The following ANKS1B variants were observed in gnomAD, a reference collection of about 807,000 sequenced individuals.
ANKS1B encodes the protein ankyrin repeat and sterile alpha motif domain containing 1B, also known as ankyrin repeat and sterile alpha motif domain-containing protein 1B.
ANKS1B carries 36 observed loss-of-function variants against 148.3 expected under a neutral mutation model. The ratio of observed to expected loss-of-function variants is 0.24; its 90% CI spans 0.19 to 0.32. The LOEUF (loss-of-function observed/expected upper bound fraction) is 0.32. Among genes scored for constraint, ANKS1B ranks in the 10% least tolerant of loss-of-function variants. ANKS1B has a pLI of 1.00. For synonymous variants in ANKS1B, 542 were observed against 560.8 expected, an observed-to-expected ratio of 0.97 and a Z score of 0.47; for missense variants, 1,157 against 1,542.6, an observed-to-expected ratio of 0.75 and a Z score of 4.19.
At chr12:99,886,068 T>C (rs2092808150) in intron 1 of ANKS1B, among the ~76,000 whole-genome samples, 1 of 152,228 alleles carries the variant, frequency 6.6e-6, no homozygotes, top group South Asian at 2.1e-4. Flanking sequence ...GATAAACATA[T>C]GCAAGCACAT....
At chr12:98,850,673 T>C (rs933827311) in intron 17 of ANKS1B, among the ~76,000 whole-genome samples, 6 of 151,886 alleles carry the variant, frequency 4.0e-5, no homozygotes, top group Admixed American at 6.6e-5. Flanking sequence ...TTCACTGTGT[T>C]AGCCAGGATG....
intron 7 of ANKS1B, 28 bp downstream of exon 7, chr12:99,775,520 T>G (rs977242062): frequency 6.7e-7 from 1 of 1,490,554 alleles, no homozygotes; most frequent in African/African-American, 1.4e-5. Context: ...CTAGTATAGA[T>G]TCCAGGGCTT....
rs2093479938 is a variant in ANKS1B at position 99,378,396 on chromosome 12, C to T, written c.1756+21235G>A. On this transcript the variant is annotated intron_variant, in intron 12 of 26. Transcript: ENST00000683438. ...GAAGGCCGGGCATGGTGGCTCATGC[C>T]TGTAATCCCAGCACTTTGGGAGGAC... Among the ~76,000 whole-genome samples, 11 of 152,164 alleles carry T rather than the reference C, an allele frequency of 7.2e-5. No homozygotes were observed. The South Asian group carries it at 2.3e-3, about 32-fold the overall frequency.
At chr12:99,779,453 A>C (rs2064024815) in intron 6 of ANKS1B, among the ~76,000 whole-genome samples, 1 of 152,238 alleles carries the variant, frequency 6.6e-6, no homozygotes, top group Non-Finnish European at 1.5e-5. Flanking sequence ...AAGTAAAATA[A>C]TATCTGACTT....
intron 17 of ANKS1B, among the ~76,000 whole-genome samples, chr12:99,031,257 T>C (rs925448597): frequency 6.6e-6 from 1 of 152,196 alleles, no homozygotes; most frequent in Non-Finnish European, 1.5e-5. Context: ...TCTCCTTAGT[T>C]CTAAATCATA....
chr12:99,857,218 T>A (rs2089279999), intron 1 of ANKS1B, among the ~76,000 whole-genome samples: 1 of 152,126 alleles, frequency 6.6e-6, no homozygotes, highest in African/African-American at 2.4e-5. Context: ...CACAAATCAG[T>A]AGCCCTGCTA....
At chr12:99,078,178 G>A (rs569401224) in intron 16 of ANKS1B, among the ~76,000 whole-genome samples, 43 of 152,118 alleles carry the variant, frequency 2.8e-4, no homozygotes, top group African/African-American at 7.5e-4. Context: ...TATTTTCTTC[G>A]TTCAGGCCTA....
At chr12:99,555,090 G>A (rs1337041898) in intron 9 of ANKS1B, among the ~76,000 whole-genome samples, 1 of 152,082 alleles carries the variant, frequency 6.6e-6, no homozygotes, top group African/African-American at 2.4e-5. Flanking sequence ...CCATGTCTTT[G>A]CTATTGTGAG....
At chr12:99,151,542 C>A (rs1202006304) in intron 15 of ANKS1B, among the ~76,000 whole-genome samples, 8 of 148,576 alleles carry the variant, frequency 5.4e-5, no homozygotes, top group Non-Finnish European at 7.5e-5. Flanking sequence ...AAAAAAAAAA[C>A]CAAAAACAAA....
rs12580136 is a variant in ANKS1B, at chr12:99,972,634, A to C, written c.134+11470T>G. ...TAAGGAAAAAAGCCATCTCCATGAC[A>C]TAAAATGGCAAGGTGAAGTAGTTAA... On this transcript the variant is annotated intron_variant, in intron 1 of 26. Coordinates refer to ENST00000683438, the MANE Select transcript of ANKS1B (RefSeq NM_001352186.2). Among the ~76,000 whole-genome samples, 251 of 152,356 alleles carry C rather than the reference A, an allele frequency of 1.6e-3. 9 individuals are homozygous for C. The East Asian group carries it at 0.04, about 24-fold the overall frequency.
At chr12:98,965,623 C>T (rs1229235040) in intron 17 of ANKS1B, among the ~76,000 whole-genome samples, 1 of 152,104 alleles carries the variant, frequency 6.6e-6, no homozygotes, top group Non-Finnish European at 1.5e-5. Flanking sequence ...AAGCTGGAGG[C>T]ATCACGCTAC....
chr12:98,846,640 A>C (rs895159012), intron 17 of ANKS1B, among the ~76,000 whole-genome samples: 1 of 152,268 alleles, frequency 6.6e-6, no homozygotes, highest in African/African-American at 2.4e-5. Context: ...GCAATAAAGC[A>C]GGTCACTTCC....
At chr12:98,920,498 G>A (rs1277691468) in intron 17 of ANKS1B, among the ~76,000 whole-genome samples, 2 of 152,212 alleles carry the variant, frequency 1.3e-5, no homozygotes, top group African/African-American at 4.8e-5. Flanking sequence ...CACATCTTAT[G>A]TGGATAGCAG....
At chr12:99,679,094 CAG>C (rs1187641359) in intron 8 of ANKS1B, among the ~76,000 whole-genome samples, 2 of 151,980 alleles carry the variant, frequency 1.3e-5, no homozygotes, top group African/African-American at 4.8e-5. Context: ...GTGAAGAAAA[CAG>C]AATAAAAATG....
intron 10 of ANKS1B, among the ~76,000 whole-genome samples, chr12:99,493,728 G>A (rs747745322): frequency 6.6e-6 from 1 of 152,156 alleles, no homozygotes; most frequent in Non-Finnish European, 1.5e-5. Flanking sequence ...GGTTTGGGGG[G>A]AAAGATGTGG....
At chr12:99,248,444 A>G (rs1245603421) in intron 12 of ANKS1B, among the ~76,000 whole-genome samples, 1 of 152,330 alleles carries the variant, frequency 6.6e-6, no homozygotes, top group East Asian at 1.9e-4. Flanking sequence ...ACATGAATCT[A>G]CAAATGCAAC....
chr12:99,345,142 C>A (rs947230131), intron 12 of ANKS1B, among the ~76,000 whole-genome samples: 1 of 151,930 alleles, frequency 6.6e-6, no homozygotes, highest in Non-Finnish European at 1.5e-5. Context: ...ATAAAATGAT[C>A]CTAATTCATC....
chr12:99,669,441 T>A lies in ANKS1B; in HGVS notation c.1129-14231A>T, dbSNP rs533802090. Reference sequence around the variant, plus strand: ...CATTCAAGGCTTGCTTTTACTTTTTTTTTTTAGGTGGGTCTACAGTAACCT... The same window carrying A: ...CATTCAAGGCTTGCTTTTACTTTTTATTTTTAGGTGGGTCTACAGTAACCT... On this transcript the variant is annotated intron_variant, in intron 8 of 26. Coordinates refer to ENST00000683438, the MANE Select transcript of ANKS1B (RefSeq NM_001352186.2). 4.6e-5 allele frequency among the ~76,000 whole-genome samples: 7 copies of A among 152,298 alleles called. No individual in the cohort carries two copies. The East Asian group carries it at 1.4e-3, about 29-fold the overall frequency.
chr12:98,853,680 T>C (rs966248181), intron 17 of ANKS1B, among the ~76,000 whole-genome samples: 1 of 152,202 alleles, frequency 6.6e-6, no homozygotes, highest in Non-Finnish European at 1.5e-5. Context: ...ATCACTGCAC[T>C]CTGTCATTTT....
Sources: gnomAD v4.1 joint callset for allele counts (sites outside exome capture counted in the v4.1 genomes callset) on GRCh38, gnomAD v4.1.1 for gene constraint, MANE v1.5 for transcripts, NCBI Gene and HGNC (gene_info 2026-07-23, HGNC 2026-07-21) for gene names.